The following CD180 variants were observed in gnomAD, a reference collection of about 807,000 sequenced individuals.
The protein encoded by CD180 is CD180 molecule, also known as CD180 antigen.
Under a neutral mutation model 10.7 loss-of-function variants are expected in CD180, and 11 were observed. The observed-to-expected ratio is 1.03, with a 90% CI of 0.65 to 1.70. The LOEUF is 1.70. CD180 is among the 40% of genes most tolerant of loss of function. CD180 has a pLI of 0.00. For synonymous variants in CD180, 286 were observed against 294.6 expected (o/e 0.97, Z 0.30); for missense variants, 729 against 775.2 (o/e 0.94, Z 0.71).
At chr5:67,191,824 A>G (rs1742311010) in intron 1 of CD180, among the ~76,000 whole-genome samples, 1 of 152,232 alleles carries the variant, frequency 6.6e-6, no homozygotes, top group Non-Finnish European at 1.5e-5. Flanking sequence ...GTTCACTGTA[A>G]TAGTCTCAGA....
intron 1 of CD180, among the ~76,000 whole-genome samples, chr5:67,192,250 TGTG>T (rs1742322623): frequency 6.6e-6 from 1 of 151,518 alleles, no homozygotes; most frequent in Non-Finnish European, 1.5e-5. Context: ...AATTGCCAGG[TGTG>T]GTGGTGGGCG....
intron 1 of CD180, among the ~76,000 whole-genome samples, chr5:67,192,271 T>A (rs1250955414): frequency 6.6e-6 from 1 of 151,840 alleles, no homozygotes; most frequent in Non-Finnish European, 1.5e-5. Flanking sequence ...GCGCCTGTAG[T>A]CCCAGCTACT....
chr5:67,184,559 T>A lies in CD180; in HGVS notation c.284A>T (p.Asp95Val). 6.3e-7 allele frequency: 1 copy of A among 1,598,594 alleles called. No individual in the cohort carries two copies. Among genetic ancestry groups the A allele is most frequent in the South Asian group, 1.1e-5 (1 of 90,564 alleles). The change falls in exon 3 of 3, where the codon GAC becomes GTC. Residue 95 changes from aspartate (D) to valine (V), a missense_variant. By Grantham distance (152) the Asp-to-Val change is radical (BLOSUM62 -3). Transcript: ENST00000256447. The stretch of plus-strand genomic sequence containing the variant: ...TAATTGATGATGGCTTTGAAAAGTG[T>A]CTTCATGTATCCAGTTAATCTGGCA... Reference protein sequence around the residue: ...TRCQINWIHEDTFQSHHQLST... With the variant: ...TRCQINWIHEVTFQSHHQLST...
rs1742102907 is a variant in CD180 at position 67,183,415 on chromosome 5, T to G, written c.1428A>C (p.Leu476Phe). The G allele has an allele frequency of 6.2e-7, 1 of 1,614,188 alleles. No individual in the cohort carries two copies. The highest frequency in any genetic ancestry group is 2.2e-5 in the East Asian group (1 of 44,890). ...AGLPVLRHLNLKGNHFQDGTI... is the reference protein window; with the variant it reads ...AGLPVLRHLNFKGNHFQDGTI... ...TCCCATCTTGAAAGTGATTCCCTTT[T>G]AAGTTGAGATGCCGGAGAACTGGTA... The change falls in exon 3 of 3, where the codon TTA (leucine) becomes TTC (phenylalanine). Residue 476 changes from leucine to phenylalanine, a missense_variant. Leu to Phe is a conservative substitution (Grantham distance 22, BLOSUM62 0). Transcript: ENST00000256447.
Position 67,196,746 on chromosome 5 carries a change from G to A in CD180, c.-105C>T. The stretch of plus-strand genomic sequence containing the variant: ...TTGGCAGCCAGAGAGGTACTCAGAA[G>A]GGTGATCTTGGAACAAGAAATGCTG... On this transcript the variant is annotated 5_prime_UTR_variant, in exon 1 of 3. Transcript: ENST00000256447. 6.8e-7 allele frequency: 1 copy of A among 1,472,928 alleles called. No homozygotes were observed. The highest frequency in any genetic ancestry group is 9.2e-7 in the Non-Finnish European group (1 of 1,084,124). The allele number at this position is 1,472,928 out of a possible 1,614,324, so 91.2% of individuals were successfully genotyped here.
Position 67,184,001 on chromosome 5 carries a change from A to T in CD180, c.842T>A (p.Leu281Gln). Residue 281 changes from leucine to glutamine, a missense_variant, in exon 3 of 3, where the codon CTG becomes CAG. Physicochemically the swap from Leu to Gln is moderately radical, Grantham distance 113. Coordinates refer to ENST00000256447, the MANE Select transcript of CD180 (RefSeq NM_005582.3). ...LCEMSVESLN[L>Q]QEHRFSDISS... is the part of the protein sequence containing the mutation. Reference sequence around the variant, plus strand: ...GATGTCAGAGAAGCGGTGTTCCTGCAGGTTGAGGCTCTCAACAGACATTTC... The same window carrying T: ...GATGTCAGAGAAGCGGTGTTCCTGCTGGTTGAGGCTCTCAACAGACATTTC... 1 of 1,614,142 alleles carries T rather than the reference A, an allele frequency of 6.2e-7. No homozygotes were observed.
At position 67,196,581 on chromosome 5, in the gene CD180, T is replaced by A; in HGVS notation, c.61A>T (p.Ile21Phe). 6.2e-7 allele frequency: 1 copy of A among 1,613,994 alleles called. No homozygotes were observed. ...ATGCACATCTGATCCCAGGAGGTGATGACTTTACAGCCGGCAGAAAACAGC... is the reference window on the plus strand; with the variant it reads ...ATGCACATCTGATCCCAGGAGGTGAAGACTTTACAGCCGGCAGAAAACAGC... ...VVLFSAGCKV[I>F]TSWDQMCIEK... Residue 21 changes from isoleucine to phenylalanine, a missense_variant, in exon 1 of 3, where the codon ATC becomes TTC. Ile to Phe is a conservative substitution (Grantham distance 21). Coordinates refer to ENST00000256447, the MANE Select transcript of CD180 (RefSeq NM_005582.3).
chr5:67,184,415 A>T lies in CD180; in HGVS notation c.428T>A (p.Ile143Asn), dbSNP rs1742137951. 1 of 1,613,944 alleles carries T rather than the reference A, an allele frequency of 6.2e-7. No individual in the cohort carries two copies. Among genetic ancestry groups the T allele is most frequent in the Admixed American group, 1.7e-5 (1 of 60,012 alleles). ...CAAGTTTTCCAGATTGTGCACTGGA[A>T]TAAACTCGAGATTGGATATTCCCGT... ...IQTGISNLEF[I>N]PVHNLENLES... Residue 143 changes from isoleucine (I) to asparagine (N), a missense_variant, in exon 3 of 3, where the codon ATT (isoleucine) becomes AAT (asparagine). Ile to Asn is a moderately radical substitution (Grantham distance 149). Transcript: ENST00000256447.
intron 2 of CD180, 45 bp from the exon 3 acceptor site, chr5:67,184,630 T>A: frequency 6.7e-7 from 1 of 1,485,526 alleles, no homozygotes; most frequent in Non-Finnish European, 9.1e-7. Flanking sequence ...TTGAAAAAAG[T>A]AAAAAAATAC....
Position 67,184,430 on chromosome 5 carries a change from G to T in CD180, c.413C>A (p.Ser138Tyr), listed in dbSNP as rs138790017. 3 of 1,613,968 alleles carry T rather than the reference G, an allele frequency of 1.9e-6. No individual in the cohort carries two copies. The highest frequency in any genetic ancestry group is 2.5e-6 in the Non-Finnish European group (3 of 1,179,976). The change falls in exon 3 of 3, where the codon TCC becomes TAC. Residue 138 changes from serine (S) to tyrosine (Y), a missense_variant. By Grantham distance (144) the Ser-to-Tyr change is moderately radical. Coordinates refer to ENST00000256447, the MANE Select transcript of CD180 (RefSeq NM_005582.3). ...GTGCACTGGAATAAACTCGAGATTG[G>T]ATATTCCCGTTTGGATTAAGAAAAG... ...KHLFLIQTGI[S>Y]NLEFIPVHNL...
At chr5:67,195,624 C>T (rs1486713565) in intron 1 of CD180, among the ~76,000 whole-genome samples, 1 of 152,256 alleles carries the variant, frequency 6.6e-6, no homozygotes, top group African/African-American at 2.4e-5. Flanking sequence ...TGATTCCATC[C>T]TAATGCCAGA....
At chr5:67,186,848 C>CTGTGTGTGTGTGTGTGTGTGTGTG (rs56004314) in intron 1 of CD180, among the ~76,000 whole-genome samples, 3 of 146,716 alleles carry the variant, frequency 2.0e-5, no homozygotes, top group African/African-American at 7.6e-5. Flanking sequence ...TTTGTTCTAT[C>CTGTGTGTGTGTGTGTGTGTGTGTG]TGTGTGTGTG....
intron 1 of CD180, among the ~76,000 whole-genome samples, chr5:67,187,236 G>A (rs1742214514): frequency 6.6e-6 from 1 of 152,220 alleles, no homozygotes; most frequent in South Asian, 2.1e-4. Flanking sequence ...GGAATGCAGA[G>A]ATGAAGTGAG....
In CD180 at chr5:67,181,082, C is replaced by T. The variant is rs1742040536; in HGVS notation, c.*1775G>A. The T allele has an allele frequency of 6.6e-6, 1 of 151,254 alleles. No homozygotes were observed. Among genetic ancestry groups the T allele is most frequent in the Admixed American group, 6.6e-5 (1 of 15,200 alleles). 9.4% of individuals were successfully genotyped at this position (151,254 alleles called of 1,614,324 possible). A position where few individuals can be genotyped will look rare whatever the true frequency, so the allele number is the denominator to read the frequency against. ...ACATATGGAGAGAGAGAGAGAGAGT[C>T]CTTACTATGTCCCAGGCATGTTCTA... On this transcript the variant is annotated 3_prime_UTR_variant, in exon 3 of 3. Coordinates refer to ENST00000256447, the MANE Select transcript of CD180 (RefSeq NM_005582.3).
chr5:67,186,096 C>CAAAA, intron 1 of CD180, 79 bp from the exon 2 acceptor site: 3 of 930,100 alleles, frequency 3.2e-6, no homozygotes, highest in Non-Finnish European at 4.7e-6. Context: ...TATGTTTTAC[C>CAAAA]TTCCGAGCGG....
Position 67,183,997 on chromosome 5 carries a change from C to T in CD180, c.846G>A (p.Gln282=), listed in dbSNP as rs551842357. 8.7e-6 allele frequency: 14 copies of T among 1,613,988 alleles called. No homozygotes were observed. The highest frequency in any genetic ancestry group is 1.7e-5 in the Admixed American group (1 of 59,990). ...ATGAGATGTCAGAGAAGCGGTGTTC[C>T]TGCAGGTTGAGGCTCTCAACAGACA... The part of the protein sequence containing the change: ...CEMSVESLNL[Q]EHRFSDISST... The change falls in exon 3 of 3, where the codon CAG becomes CAA. Residue 282 remains glutamine (Q), a synonymous_variant. Transcript: ENST00000256447.
intron 1 of CD180, among the ~76,000 whole-genome samples, chr5:67,190,285 GC>G (rs1742275659): frequency 6.6e-6 from 1 of 152,164 alleles, no homozygotes; most frequent in African/African-American, 2.4e-5. Context: ...AGTTCTGATA[GC>G]CAGGGTTCCA....
intron 1 of CD180, among the ~76,000 whole-genome samples, chr5:67,195,644 C>T (rs1742386415): frequency 6.6e-6 from 1 of 152,242 alleles, no homozygotes; most frequent in African/African-American, 2.4e-5. Flanking sequence ...ACCAACAAGG[C>T]TCTGCTCACC....
intron 1 of CD180, among the ~76,000 whole-genome samples, chr5:67,189,100 T>C (rs1742253925): frequency 6.6e-6 from 1 of 152,224 alleles, no homozygotes; most frequent in Admixed American, 6.5e-5. Context: ...TCGTCTCCTT[T>C]GGCATAACTG....
Sources: gnomAD v4.1 joint callset for allele counts (sites outside exome capture counted in the v4.1 genomes callset) on GRCh38, gnomAD v4.1.1 for gene constraint, MANE v1.5 for transcripts, NCBI Gene and HGNC (gene_info 2026-07-23, HGNC 2026-07-21) for gene names.